KSR2: variants seen among roughly 807,000 people sequenced by gnomAD.
KSR2 encodes kinase suppressor of ras 2.
KSR2 carries 25 observed loss-of-function variants against 107.8 expected under a neutral mutation model. The observed-to-expected ratio is 0.23, with a 90% CI of 0.17 to 0.32. KSR2 has a LOEUF of 0.32. Ranked by LOEUF, KSR2 falls within the 10% of genes least tolerant of loss-of-function variation. The pLI is 1.00. For synonymous variants in KSR2, 480 were observed against 507.0 expected, an observed-to-expected ratio of 0.95 and a Z score of 0.71; for missense variants, 887 against 1,268.9, an observed-to-expected ratio of 0.70 and a Z score of 4.57.
chr12:117,898,324 CT>C (rs1215932058), intron 1 of KSR2, among the ~76,000 whole-genome samples: 1 of 151,064 alleles, frequency 6.6e-6, no homozygotes, highest in African/African-American at 2.4e-5. Flanking sequence ...TGTTTGTCTC[CT>C]TTTTTTTAAC....
intron 3 of KSR2, among the ~76,000 whole-genome samples, chr12:117,796,213 A>G (rs1890623062): frequency 1.3e-5 from 2 of 152,284 alleles, no homozygotes; most frequent in South Asian, 4.2e-4. Context: ...TTAAAGGCGG[A>G]AGCCACCATG....
chr12:117,483,293 C>T (rs148279740), intron 16 of KSR2, among the ~76,000 whole-genome samples: 50 of 151,934 alleles, frequency 3.3e-4, no homozygotes, highest in African/African-American at 1.2e-3. Context: ...CCAAATGGTC[C>T]AACTTATAAC....
chr12:117,761,876 T>C (rs537482926), intron 3 of KSR2, among the ~76,000 whole-genome samples: 37 of 152,338 alleles, frequency 2.4e-4, no homozygotes, highest in South Asian at 1.4e-3. Context: ...ACCATATGCA[T>C]GTCACATTAT....
chr12:117,888,068 G>C (rs1399094669), intron 1 of KSR2, among the ~76,000 whole-genome samples: 1 of 152,174 alleles, frequency 6.6e-6, no homozygotes, highest in African/African-American at 2.4e-5. Flanking sequence ...AGGGCTTAAT[G>C]CTTCGTAACA....
At chr12:117,637,216 T>C (rs1271582858) in intron 5 of KSR2, among the ~76,000 whole-genome samples, 1 of 152,228 alleles carries the variant, frequency 6.6e-6, no homozygotes, top group East Asian at 1.9e-4. Context: ...TGCAACAATT[T>C]TGTCAGCCAA....
At chr12:117,805,537 A>T (rs1286737041) in intron 3 of KSR2, among the ~76,000 whole-genome samples, 1 of 152,252 alleles carries the variant, frequency 6.6e-6, no homozygotes, top group Admixed American at 6.5e-5. Context: ...CATTCAAAAG[A>T]GCCTGGTACC....
rs1427498051 is a variant in KSR2, at chr12:117,458,645, G to C, written c.*8554C>G. 3.9e-5 allele frequency: 6 copies of C among 152,170 alleles called. No individual in the cohort carries two copies. Among genetic ancestry groups the C allele is most frequent in the Non-Finnish European group, 8.8e-5 (6 of 68,052 alleles). The allele number at this position is 152,170 out of a possible 1,614,324, so 9.4% of individuals were successfully genotyped here. A position where few individuals can be genotyped will look rare whatever the true frequency, so the allele number is the denominator to read the frequency against. Reference sequence around the variant, plus strand: ...AATACAGGGGAGATATTATCGGGCAGAAGTTGGATGGGGGATAAGTGAAGA... The same window carrying C: ...AATACAGGGGAGATATTATCGGGCACAAGTTGGATGGGGGATAAGTGAAGA... On this transcript the variant is annotated 3_prime_UTR_variant, in exon 20 of 20. Coordinates refer to ENST00000339824, the MANE Select transcript of KSR2 (RefSeq NM_173598.6).
At chr12:117,596,615 T>C (rs891896208) in intron 5 of KSR2, among the ~76,000 whole-genome samples, 3 of 152,192 alleles carry the variant, frequency 2.0e-5, no homozygotes, top group Non-Finnish European at 2.9e-5. Flanking sequence ...TTCTCCTGGG[T>C]ATAAACAAAT....
chr12:117,598,418 G>A (rs1880760444), intron 5 of KSR2, among the ~76,000 whole-genome samples: 1 of 152,028 alleles, frequency 6.6e-6, no homozygotes. Context: ...TTATATTTTT[G>A]CAATTGCGAA....
At chr12:117,726,598 A>G (rs1887434937) in intron 4 of KSR2, among the ~76,000 whole-genome samples, 1 of 152,178 alleles carries the variant, frequency 6.6e-6, no homozygotes, top group Non-Finnish European at 1.5e-5. Flanking sequence ...GGCCAGCAAA[A>G]CTGTCTTCAG....
chr12:117,511,364 G>A (rs575826359), intron 14 of KSR2, among the ~76,000 whole-genome samples: 21 of 152,222 alleles, frequency 1.4e-4, no homozygotes, highest in African/African-American at 3.4e-4. Flanking sequence ...GCCAGACTAC[G>A]GCAATGACCT....
In KSR2 at chr12:117,846,934, CAG is replaced by C. The variant is rs1411054867; in HGVS notation, c.472+8492_472+8493del. Among the ~76,000 whole-genome samples the C allele has an allele frequency of 2.0e-5, 3 of 152,242 alleles. 1 individual carries two copies. Among genetic ancestry groups the C allele is most frequent in the African/African-American group, 7.2e-5 (3 of 41,462 alleles). ...CCCCAACCCCTCCTGGCAACTGACACAGGGGGAGTTCCAACCGTGTTTACAGA... is the reference window on the plus strand; with the variant it reads ...CCCCAACCCCTCCTGGCAACTGACACGGGGAGTTCCAACCGTGTTTACAGA... On this transcript the variant is annotated intron_variant, in intron 3 of 19. Coordinates refer to ENST00000339824, the MANE Select transcript of KSR2 (RefSeq NM_173598.6).
At chr12:117,473,908 GA>G (rs1485105556) in intron 17 of KSR2, among the ~76,000 whole-genome samples, 14 of 152,134 alleles carry the variant, frequency 9.2e-5, no homozygotes, top group Admixed American at 9.2e-4. Context: ...TGTCAATTGG[GA>G]GCAACATGGT....
intron 5 of KSR2, among the ~76,000 whole-genome samples, chr12:117,588,343 A>T (rs1445698094): frequency 6.6e-6 from 1 of 152,172 alleles, no homozygotes; most frequent in Non-Finnish European, 1.5e-5. Context: ...AGGGGAGGAT[A>T]AAAAGGTAGC....
intron 4 of KSR2, among the ~76,000 whole-genome samples, chr12:117,704,133 C>A (rs922849381): frequency 2.6e-5 from 4 of 152,082 alleles, no homozygotes; most frequent in Non-Finnish European, 5.9e-5. Context: ...GTGGATGGAA[C>A]AAATGCATAT....
chr12:117,571,967 C>T (rs535611901), intron 7 of KSR2, among the ~76,000 whole-genome samples: 6 of 152,208 alleles, frequency 3.9e-5, no homozygotes, highest in African/African-American at 9.6e-5. Flanking sequence ...CACTGAGCAA[C>T]GCCTCCCACC....
intron 5 of KSR2, among the ~76,000 whole-genome samples, chr12:117,590,013 G>A (rs1409239147): frequency 6.6e-6 from 1 of 152,218 alleles, no homozygotes; most frequent in Non-Finnish European, 1.5e-5. Flanking sequence ...ATAAGGCAGA[G>A]GGGACTGACA....
chr12:117,784,107 G>A (rs946935395), intron 3 of KSR2, among the ~76,000 whole-genome samples: 1 of 152,116 alleles, frequency 6.6e-6, no homozygotes, highest in Non-Finnish European at 1.5e-5. Flanking sequence ...GGGGTATATT[G>A]TGTGATGCTC....
At chr12:117,832,951 G>A (rs1452876448) in intron 3 of KSR2, among the ~76,000 whole-genome samples, 2 of 152,168 alleles carry the variant, frequency 1.3e-5, no homozygotes, top group East Asian at 1.9e-4. Context: ...GCATGACCCT[G>A]GCCAAGTGGC....
Sources: gnomAD v4.1 joint callset for allele counts (sites outside exome capture counted in the v4.1 genomes callset) on GRCh38, gnomAD v4.1.1 for gene constraint, MANE v1.5 for transcripts, NCBI Gene and HGNC (gene_info 2026-07-23, HGNC 2026-07-21) for gene names.